Variants in NPFFR1 observed in about 807,000 individuals in gnomAD.
NPFFR1 encodes the protein neuropeptide FF receptor 1, also known as G-protein coupled receptor 147.
A neutral mutation model predicts 12.7 loss-of-function variants in NPFFR1; 17 were observed. The observed-to-expected ratio is 1.34, with a 90% CI of 0.92 to 2.01. NPFFR1 has a LOEUF of 2.01. Ranked by LOEUF, NPFFR1 falls within the 30% of genes most tolerant of loss-of-function variation. The probability of loss-of-function intolerance (pLI) is 0.00; values close to 1 mark genes in which losing one functional copy is unlikely to be tolerated. For synonymous variants in NPFFR1, 296 were observed against 264.5 expected (o/e 1.12, Z -1.16); for missense variants, 604 against 606.5 (o/e 1.00, Z 0.04).
At chr10:70,262,401 GTATAC>G (rs1840643595) in intron 2 of NPFFR1, among the ~76,000 whole-genome samples, 1 of 152,172 alleles carries the variant, frequency 6.6e-6, no homozygotes, top group South Asian at 2.1e-4. Context: ...TATTTTGACT[GTATAC>G]TATAACAGCA....
At chr10:70,266,494 C>CAGGGCA in intron 1 of NPFFR1, 103 bp from the exon 2 acceptor site, 2 of 924,760 alleles carry the variant, frequency 2.2e-6, no homozygotes, top group South Asian at 1.7e-5. Context: ...TAACCATGCC[C>CAGGGCA]TGGTCCCCCA....
At chr10:70,270,818 C>T (rs938180978) in intron 1 of NPFFR1, among the ~76,000 whole-genome samples, 2 of 152,162 alleles carry the variant, frequency 1.3e-5, no homozygotes, top group African/African-American at 4.8e-5. Flanking sequence ...AATTTTCATC[C>T]TTGAACCCGG....
At chr10:70,256,170 C>T (rs1317932860) in intron 3 of NPFFR1, among the ~76,000 whole-genome samples, 1 of 151,386 alleles carries the variant, frequency 6.6e-6, no homozygotes, top group African/African-American at 2.4e-5. Flanking sequence ...ACCTCCCGGG[C>T]TCAAGTGATC....
At chr10:70,260,314 G>T (rs564345215) in intron 3 of NPFFR1, among the ~76,000 whole-genome samples, 26 of 152,266 alleles carry the variant, frequency 1.7e-4, no homozygotes, top group African/African-American at 6.0e-4. Context: ...GGCTCACCTG[G>T]CTCAGACTTA....
Position 70,260,715 on chromosome 10 carries a change from C to A in NPFFR1, c.347G>T (p.Cys116Phe). ...GCCCTGCACCAAGCCGCTCATCTTG[C>A]ATGTGGCATTGTCGAAGGGCCACCC... The part of the protein sequence containing the change: ...ITGWPFDNAT[C>F]KMSGLVQGMS... Residue 116 changes from cysteine to phenylalanine, a missense_variant, in exon 3 of 4, where the codon TGC becomes TTC. Cys to Phe is a radical substitution (Grantham distance 205). Coordinates refer to ENST00000277942, the MANE Select transcript of NPFFR1 (RefSeq NM_022146.5). 1 of 1,607,324 alleles carries A rather than the reference C, an allele frequency of 6.2e-7. No homozygotes were observed.
intron 2 of NPFFR1, among the ~76,000 whole-genome samples, chr10:70,265,710 G>A (rs1840683276): frequency 6.6e-6 from 1 of 152,226 alleles, no homozygotes; most frequent in African/African-American, 2.4e-5. Context: ...GTGTGAGAAT[G>A]TTGACCTTGA....
intron 1 of NPFFR1, among the ~76,000 whole-genome samples, chr10:70,276,685 T>G (rs1840808644): frequency 1.3e-5 from 2 of 150,714 alleles, no homozygotes; most frequent in South Asian, 4.2e-4. Context: ...CCTCCCGGGT[T>G]CAAGCAATGC....
Position 70,248,489 on chromosome 10 carries a change from T to TTTTTG in NPFFR1, c.*6467_*6468insCAAAA, listed in dbSNP as rs1840477151. 1 of 113,852 alleles carries TTTTTG rather than the reference T, an allele frequency of 8.8e-6. No homozygotes were observed. Among genetic ancestry groups the TTTTTG allele is most frequent in the Non-Finnish European group, 1.8e-5 (1 of 57,104 alleles). The allele number at this position is 113,852 out of a possible 1,614,324, so 7.1% of individuals were successfully genotyped here. On this transcript the variant is annotated 3_prime_UTR_variant, in exon 4 of 4. Coordinates refer to ENST00000277942, the MANE Select transcript of NPFFR1 (RefSeq NM_022146.5). ...GGCGTTTTTTTTTTGTTTTTTGTTT[T>TTTTTG]TTTTTTTTTTTTTTGAGATGGAGTC...
chr10:70,258,981 T>G (rs937715223), intron 3 of NPFFR1, among the ~76,000 whole-genome samples: 1 of 152,184 alleles, frequency 6.6e-6, no homozygotes, highest in African/African-American at 2.4e-5. Flanking sequence ...GACTTTGACC[T>G]ACTGGCTTCA....
intron 1 of NPFFR1, among the ~76,000 whole-genome samples, chr10:70,274,228 T>C (rs1484272359): frequency 1.3e-5 from 2 of 150,890 alleles, no homozygotes; most frequent in African/African-American, 4.9e-5. Flanking sequence ...AGGAGGCAGA[T>C]CACAAGGTCA....
At chr10:70,273,434 A>G (rs1297457354) in intron 1 of NPFFR1, among the ~76,000 whole-genome samples, 1 of 152,124 alleles carries the variant, frequency 6.6e-6, no homozygotes, top group Non-Finnish European at 1.5e-5. Context: ...TCCTTTTGTT[A>G]TGCCAATCAA....
At chr10:70,281,928 T>G (rs1479084149) in intron 1 of NPFFR1, among the ~76,000 whole-genome samples, 2 of 152,214 alleles carry the variant, frequency 1.3e-5, no homozygotes, top group Non-Finnish European at 2.9e-5. Context: ...AAGTGTACAC[T>G]GTGTTTGGTC....
At chr10:70,281,390 C>G (rs1840860645) in intron 1 of NPFFR1, among the ~76,000 whole-genome samples, 1 of 152,164 alleles carries the variant, frequency 6.6e-6, no homozygotes. Flanking sequence ...ACAGCTAAAA[C>G]CAGCTCATTA....
intron 2 of NPFFR1, 58 bp from the exon 3 acceptor site, chr10:70,260,797 C>A: frequency 6.9e-7 from 1 of 1,447,662 alleles, no homozygotes. Flanking sequence ...GAGCCAGAGA[C>A]TGAAAGCCCT....
rs1840566808 is a variant in NPFFR1 at position 70,255,882 on chromosome 10, G to A, written c.423-55C>T. The A allele has an allele frequency of 5.9e-6, 9 of 1,524,948 alleles. No individual in the cohort carries two copies. The South Asian group carries it at 1.1e-4, about 19-fold the overall frequency. 94.5% of individuals were successfully genotyped at this position (1,524,948 alleles called of 1,614,324 possible). A position where few individuals can be genotyped will look rare whatever the true frequency, so the allele number is the denominator to read the frequency against. On this transcript the variant is annotated intron_variant, in intron 3 of 3. Coordinates refer to ENST00000277942, the MANE Select transcript of NPFFR1 (RefSeq NM_022146.5). The surrounding 1 kb of genome is among the most constrained non-coding windows in gnomAD (Gnocchi z 4.2). ...TGGGTGGGTCCTAGGGCCCCTGCGA[G>A]GGGACGGTGGGTGGGATGCGGGCAC...
chr10:70,270,643 T>C (rs1048679441), intron 1 of NPFFR1, among the ~76,000 whole-genome samples: 2 of 152,158 alleles, frequency 1.3e-5, no homozygotes, highest in South Asian at 4.1e-4. Flanking sequence ...GAATCCTTTC[T>C]GGAGGAGGAA....
intron 2 of NPFFR1, among the ~76,000 whole-genome samples, chr10:70,265,382 C>T (rs889831019): frequency 6.6e-6 from 1 of 152,152 alleles, no homozygotes; most frequent in Non-Finnish European, 1.5e-5. Flanking sequence ...AAAGGCCAGT[C>T]GCATGAGAGA....
rs1840549609 is a variant in NPFFR1, at chr10:70,255,194, CG to C, written c.1055del (p.Pro352ArgfsTer108). On this transcript the variant is annotated frameshift_variant, in exon 4 of 4. Transcript: ENST00000277942. LOFTEE classifies it low-confidence loss of function (END_TRUNC). The surrounding 1 kb of genome is among the most constrained non-coding windows in gnomAD (Gnocchi z 4.2). The part of the protein sequence containing the change: ...AAFRARLCPR[P>X]SGSHKEAYSE... ...AGTAGGCCTCCTTGTGGCTCCCCGA[CG>C]GGCGCGGGCAGAGGCGGGCGCGGAA... is the stretch of plus-strand genomic sequence containing the variant. 1 of 1,551,100 alleles carries C rather than the reference CG, an allele frequency of 6.4e-7. No individual in the cohort carries two copies. Among genetic ancestry groups the C allele is most frequent in the African/African-American group, 1.4e-5 (1 of 73,430 alleles).
chr10:70,283,866 C>A lies in NPFFR1; in HGVS notation c.-190G>T, dbSNP rs941693905. On this transcript the variant is annotated 5_prime_UTR_variant, in exon 1 of 4. Coordinates refer to ENST00000277942, the MANE Select transcript of NPFFR1 (RefSeq NM_022146.5). ...TGCGCTCCCAGGCCCCGGGCCCTGG[C>A]CGGTTTCCCTCCCCTCGGGCTGACT... is the stretch of plus-strand genomic sequence containing the variant. Among the ~76,000 whole-genome samples the A allele has an allele frequency of 2.6e-5, 4 of 152,082 alleles. No individual in the cohort carries two copies. The highest frequency in any genetic ancestry group is 9.7e-5 in the African/African-American group (4 of 41,420).
Sources: allele counts gnomAD v4.1 joint callset (sites outside exome capture counted in the v4.1 genomes callset), GRCh38; gene constraint gnomAD v4.1.1; non-coding constraint Gnocchi (gnomAD v3.1); transcripts MANE v1.5; gene names NCBI Gene and HGNC (gene_info 2026-07-23, HGNC 2026-07-21).